Variants in SLC43A2 observed in about 807,000 individuals in gnomAD.
SLC43A2 encodes the protein solute carrier family 43 member 2.
In SLC43A2, 38 loss-of-function variants were observed where a neutral mutation model predicts 63.2. The observed-to-expected ratio is 0.60, with a 90% CI of 0.46 to 0.79. The LOEUF (loss-of-function observed/expected upper bound fraction) is 0.79. Ranked by LOEUF, SLC43A2 falls within the 30% of genes least tolerant of loss-of-function variation. The probability of loss-of-function intolerance (pLI) is 0.00; values close to 1 mark genes in which losing one functional copy is unlikely to be tolerated. For missense variants in SLC43A2, 644 were observed against 756.2 expected (o/e 0.85, Z 1.74); for synonymous variants, 322 against 331.0 (o/e 0.97, Z 0.30).
In SLC43A2 at chr17:1,575,580, A is replaced by T. The variant is rs1473159249; in HGVS notation, c.*24T>A. ...TCAGTCACTGAAGCACAGGCAGGAGACCGCAGTTCCGAGGCGGCAGCCACT... is the reference window on the plus strand; with the variant it reads ...TCAGTCACTGAAGCACAGGCAGGAGTCCGCAGTTCCGAGGCGGCAGCCACT... On this transcript the variant is annotated 3_prime_UTR_variant, in exon 14 of 14. Transcript: ENST00000301335. 4 of 1,613,738 alleles carry T rather than the reference A, an allele frequency of 2.5e-6. No homozygotes were observed. In the Admixed American group the frequency reaches 6.7e-5, roughly 27 times the overall value.
chr17:1,629,920 A>G (rs757006476), upstream of SLC43A2, among the ~76,000 whole-genome samples: 58 of 152,066 alleles, frequency 3.8e-4, no homozygotes, highest in Non-Finnish European at 7.6e-4. Flanking sequence ...CGCCTTGGTC[A>G]CCCTGGCTCG....
At chr17:1,616,791 C>T in intron 2 of SLC43A2, 22 bp from the exon 3 acceptor site, 2 of 1,612,176 alleles carry the variant, frequency 1.2e-6, no homozygotes, top group Non-Finnish European at 8.5e-7. Flanking sequence ...GGGAAGGAAA[C>T]CCTGACCTCA....
In SLC43A2 at chr17:1,593,148, G is replaced by A. The variant is rs758523658; in HGVS notation, c.594+39C>T. On this transcript the variant is annotated intron_variant, in intron 6 of 13. Transcript: ENST00000301335. This position sits in a 1 kb window ranked among gnomAD's most constrained non-coding sequence, Gnocchi z 5.3. ...AGAGGGTGGAAGGAGCCTGGAGCAG[G>A]CCTCTGCACAGACACCAGTGCAAAA... 3.8e-6 allele frequency: 6 copies of A among 1,582,640 alleles called. No homozygotes were observed. The highest frequency in any genetic ancestry group is 5.2e-6 in the Non-Finnish European group (6 of 1,156,156).
In SLC43A2 at chr17:1,577,153, C is replaced by A. The variant is rs1473015100; in HGVS notation, c.1425-433G>T. On this transcript the variant is annotated intron_variant, in intron 12 of 13. Coordinates refer to ENST00000301335, the MANE Select transcript of SLC43A2 (RefSeq NM_152346.3). This position sits in a 1 kb window ranked among gnomAD's most constrained non-coding sequence, Gnocchi z 4.9. ...TTCTGGGATTACAGGCGTGAGCCACCGCGCCCGGCCCTGCTGGGTGGTTCT... is the reference window on the plus strand; with the variant it reads ...TTCTGGGATTACAGGCGTGAGCCACAGCGCCCGGCCCTGCTGGGTGGTTCT... Among the ~76,000 whole-genome samples, 1 of 152,172 alleles carries A rather than the reference C, an allele frequency of 6.6e-6. No homozygotes were observed. Among genetic ancestry groups the A allele is most frequent in the African/African-American group, 2.4e-5 (1 of 41,442 alleles).
chr17:1,619,045 C>A (rs1907925518), intron 2 of SLC43A2, among the ~76,000 whole-genome samples: 1 of 151,410 alleles, frequency 6.6e-6, no homozygotes, highest in Non-Finnish European at 1.5e-5. Context: ...GTGGCTCAGT[C>A]TGTAATCCCA....
chr17:1,599,279 G>A (rs1905659530), intron 5 of SLC43A2, among the ~76,000 whole-genome samples: 1 of 152,056 alleles, frequency 6.6e-6, no homozygotes, highest in African/African-American at 2.4e-5. Context: ...GGCAGAGGTT[G>A]CAATGAGCCA....
chr17:1,587,129 G>T (rs2076116387), intron 9 of SLC43A2, among the ~76,000 whole-genome samples: 1 of 70,590 alleles, frequency 1.4e-5, no homozygotes, highest in Non-Finnish European at 3.0e-5. Context: ...CGTGACTCGG[G>T]GCGCTCAGGG....
Position 1,591,296 on chromosome 17 carries a change from C to T in SLC43A2, c.904G>A (p.Glu302Lys). 6.2e-7 allele frequency: 1 copy of T among 1,606,262 alleles called. No individual in the cohort carries two copies. The highest frequency in any genetic ancestry group is 2.2e-5 in the East Asian group (1 of 44,866). The change falls in exon 8 of 14, where the codon GAG (glutamate) becomes AAG (lysine). Residue 302 changes from glutamate to lysine, a missense_variant. Physicochemically the swap from Glu to Lys is moderately conservative, Grantham distance 56 (BLOSUM62 1). Around this residue, in one of 3 missense-constraint regions of SLC43A2, gnomAD observed 528 missense variants for 623.6 expected, o/e 0.85. Coordinates refer to ENST00000301335, the MANE Select transcript of SLC43A2 (RefSeq NM_152346.3). ...GCGGCATCCGGCTGGCACTTCACCT[C>T]CAGGTCGACGGTGGACAGGCACAGC... The part of the protein sequence containing the change: ...HKLCLSTVDL[E>K]VKCQPDAAVA...
rs190273085 is a variant in SLC43A2 at position 1,585,286 on chromosome 17, G to C, written c.1217+627C>G. 588 of 987,308 alleles carry C rather than the reference G, an allele frequency of 6.0e-4. 1 individual carries two copies. The African/African-American group carries it at 9.6e-3, about 16-fold the overall frequency. The allele number at this position is 987,308 out of a possible 1,614,324, so 61.2% of individuals were successfully genotyped here. A position where few individuals can be genotyped will look rare whatever the true frequency, so the allele number is the denominator to read the frequency against. On this transcript the variant is annotated intron_variant, in intron 10 of 13. Transcript: ENST00000301335. Reference sequence around the variant, plus strand: ...GAGACAGTCTTGCTCTGTTGCCCAGGCTGGAAGTGCAATGGCGTGATCTCG... The same window carrying C: ...GAGACAGTCTTGCTCTGTTGCCCAGCCTGGAAGTGCAATGGCGTGATCTCG...
In SLC43A2 at chr17:1,575,361, T is replaced by G; in HGVS notation, c.*243A>C. 2 of 539,252 alleles carry G rather than the reference T, an allele frequency of 3.7e-6. No individual in the cohort carries two copies. The highest frequency in any genetic ancestry group is 6.5e-6 in the Non-Finnish European group (2 of 307,464). 33.4% of individuals were successfully genotyped at this position (539,252 alleles called of 1,614,324 possible). A position where few individuals can be genotyped will look rare whatever the true frequency, so the allele number is the denominator to read the frequency against. ...CACCACAGAGACCCCAGGCCCCGGGTCCCCGGGGGGCGGCAGAGCAAAGTC... is the reference window on the plus strand; with the variant it reads ...CACCACAGAGACCCCAGGCCCCGGGGCCCCGGGGGGCGGCAGAGCAAAGTC... On this transcript the variant is annotated 3_prime_UTR_variant, in exon 14 of 14. Coordinates refer to ENST00000301335, the MANE Select transcript of SLC43A2 (RefSeq NM_152346.3).
intron 1 of SLC43A2, 198 bp from the exon 2 acceptor site, chr17:1,628,118 G>A (rs1908859664): frequency 5.0e-6 from 2 of 403,072 alleles, no homozygotes; most frequent in South Asian, 2.4e-4. Flanking sequence ...TCGTACCGCT[G>A]CCCTCCGCTA....
intron 2 of SLC43A2, among the ~76,000 whole-genome samples, chr17:1,621,385 G>T (rs1228382327): frequency 6.6e-6 from 1 of 152,156 alleles, no homozygotes; most frequent in East Asian, 1.9e-4. Context: ...CCTCCAGGGT[G>T]CGGGCCCCTG....
At chr17:1,629,371 T>C (rs1203046028), upstream of SLC43A2, among the ~76,000 whole-genome samples, 1 of 150,970 alleles carries the variant, frequency 6.6e-6, no homozygotes, top group African/African-American at 2.4e-5. Flanking sequence ...GGGCTTTGGG[T>C]CCTGGTTCCT....
intron 5 of SLC43A2, chr17:1,604,787 C>A: frequency 6.5e-7 from 1 of 1,535,832 alleles, no homozygotes. Context: ...AGCGCCACAG[C>A]ATCGGATGGG....
chr17:1,614,139 A>C (rs1907377593), intron 4 of SLC43A2, among the ~76,000 whole-genome samples: 1 of 152,122 alleles, frequency 6.6e-6, no homozygotes, highest in South Asian at 2.1e-4. Flanking sequence ...ACTACACAGG[A>C]GGCTGAGGCA....
In SLC43A2 at chr17:1,616,692, T is replaced by C; in HGVS notation, c.238A>G (p.Ser80Gly). 1 of 1,614,076 alleles carries C rather than the reference T, an allele frequency of 6.2e-7. No homozygotes were observed. Among genetic ancestry groups the C allele is most frequent in the Non-Finnish European group, 8.5e-7 (1 of 1,180,038 alleles). ...EEVSWMNGWL[S>G]CQAQDEMLNL... ...AGCATCTCGTCCTGGGCCTGGCAGC[T>C]GAGCCAGCCGTTCATCCAGCTCACC... is the stretch of plus-strand genomic sequence containing the variant. Residue 80 changes from serine (S) to glycine (G), a missense_variant, in exon 3 of 14, where the codon AGC (serine) becomes GGC (glycine). By Grantham distance (56) the Ser-to-Gly change is moderately conservative. Coordinates refer to ENST00000301335, the MANE Select transcript of SLC43A2 (RefSeq NM_152346.3).
At chr17:1,602,780 T>C (rs980362598) in intron 5 of SLC43A2, among the ~76,000 whole-genome samples, 21 of 146,796 alleles carry the variant, frequency 1.4e-4, no homozygotes, top group African/African-American at 5.0e-4. Context: ...TTTTTTGAGA[T>C]GGAGTTTCGC....
rs981366854 is a variant in SLC43A2, at chr17:1,574,645, A to G, written c.*959T>C. Reference sequence around the variant, plus strand: ...GGGTGCTGTGGGCCTGTGGCCTTGGACAAGCTCCTGGCCCCACGCCAGGAT... The same window carrying G: ...GGGTGCTGTGGGCCTGTGGCCTTGGGCAAGCTCCTGGCCCCACGCCAGGAT... On this transcript the variant is annotated 3_prime_UTR_variant, in exon 14 of 14. Coordinates refer to ENST00000301335, the MANE Select transcript of SLC43A2 (RefSeq NM_152346.3). The G allele has an allele frequency of 8.5e-5, 13 of 152,272 alleles. No homozygotes were observed. The East Asian group carries it at 2.5e-3, about 30-fold the overall frequency. 9.4% of individuals were successfully genotyped at this position (152,272 alleles called of 1,614,324 possible). A position where few individuals can be genotyped will look rare whatever the true frequency, so the allele number is the denominator to read the frequency against.
Position 1,577,621 on chromosome 17 carries a change from A to G in SLC43A2, c.1424+629T>C, listed in dbSNP as rs1055011949. ...CCAGCAACACATGAGCTGGTCCCAC[A>G]TCAGAGACTGTGGATGATGATGTTT... is the stretch of plus-strand genomic sequence containing the variant. On this transcript the variant is annotated intron_variant, in intron 12 of 13. Transcript: ENST00000301335. This position sits in a 1 kb window ranked among gnomAD's most constrained non-coding sequence, Gnocchi z 4.9. 6.6e-6 allele frequency among the ~76,000 whole-genome samples: 1 copy of G among 152,248 alleles called. No individual in the cohort carries two copies. Among genetic ancestry groups the G allele is most frequent in the Non-Finnish European group, 1.5e-5 (1 of 68,046 alleles).
Sources: gnomAD v4.1 joint callset for allele counts (sites outside exome capture counted in the v4.1 genomes callset) on GRCh38, gnomAD v4.1.1 for gene constraint, gnomAD v4.1.1 regional missense constraint, Gnocchi (gnomAD v3.1) non-coding constraint, MANE v1.5 for transcripts, NCBI Gene and HGNC (gene_info 2026-07-23, HGNC 2026-07-21) for gene names.